The following SULF2 variants were observed in gnomAD, a reference collection of about 807,000 sequenced individuals.
SULF2 encodes the protein extracellular sulfatase Sulf-2.
Under a neutral mutation model 107.7 loss-of-function variants are expected in SULF2, and 52 were observed. The observed-to-expected ratio is 0.48, with a 90% confidence interval of 0.39 to 0.61. The LOEUF is 0.61. Ranked by LOEUF, SULF2 falls within the 20% of genes least tolerant of loss-of-function variation. SULF2 has a pLI of 0.00. For missense variants in SULF2, 993 were observed against 1,177.3 expected (o/e 0.84, Z 2.29); for synonymous variants, 460 against 464.3 (o/e 0.99, Z 0.12).
At chr20:47,662,602 GTCT>G (rs2087113040) in intron 17 of SULF2, among the ~76,000 whole-genome samples, 2 of 152,304 alleles carry the variant, frequency 1.3e-5, no homozygotes, top group South Asian at 4.1e-4. Flanking sequence ...GCTCCTTTTG[GTCT>G]TGTGTGGTCC....
chr20:47,712,278 T>C (rs1256779929), intron 3 of SULF2, among the ~76,000 whole-genome samples: 3 of 152,186 alleles, frequency 2.0e-5, no homozygotes, highest in Admixed American at 2.0e-4. Context: ...TCAACTTCTC[T>C]AGGTCTCACG....
At chr20:47,701,206 G>A (rs1391507901) in intron 4 of SULF2, among the ~76,000 whole-genome samples, 1 of 152,232 alleles carries the variant, frequency 6.6e-6, no homozygotes, top group Non-Finnish European at 1.5e-5. Flanking sequence ...TTTAGGTGAA[G>A]TTCTAGAATA....
At chr20:47,756,727 C>A (rs553105979) in intron 2 of SULF2, among the ~76,000 whole-genome samples, 79 of 150,812 alleles carry the variant, frequency 5.2e-4, no homozygotes, top group African/African-American at 1.9e-3. Flanking sequence ...CTCACTGCAA[C>A]CTCCTTCTCC....
chr20:47,684,631 C>T (rs2087939065), intron 5 of SULF2, 50 bp from the exon 6 acceptor site: 3 of 1,582,672 alleles, frequency 1.9e-6, no homozygotes, highest in Non-Finnish European at 2.6e-6. Context: ...CAGCCTGGAC[C>T]CTGCCTGGCC....
At chr20:47,747,007 A>T (rs1352152792) in intron 2 of SULF2, among the ~76,000 whole-genome samples, 1 of 130,062 alleles carries the variant, frequency 7.7e-6, no homozygotes, top group Non-Finnish European at 1.6e-5. Flanking sequence ...ATATATATAT[A>T]TATATATATA....
chr20:47,764,459 T>C (rs2090485876), intron 1 of SULF2, among the ~76,000 whole-genome samples: 1 of 152,104 alleles, frequency 6.6e-6, no homozygotes. Context: ...CCCCCTTATA[T>C]ATGGTTTGAC....
At chr20:47,779,851 C>T (rs535881276) in intron 1 of SULF2, among the ~76,000 whole-genome samples, 174 of 151,988 alleles carry the variant, frequency 1.1e-3, no homozygotes, top group Middle Eastern at 0.01. Context: ...AGGTGATCCA[C>T]CCGCCTTGGC....
chr20:47,696,403 C>CA (rs869153051), intron 4 of SULF2, among the ~76,000 whole-genome samples: 6 of 8,624 alleles, frequency 7.0e-4, no homozygotes, highest in Non-Finnish European at 9.1e-4. Flanking sequence ...CTCCTTACCA[C>CA]CCCCCCACCC....
chr20:47,708,261 A>G (rs1445351457), intron 3 of SULF2, among the ~76,000 whole-genome samples: 4 of 152,244 alleles, frequency 2.6e-5, no homozygotes, highest in Non-Finnish European at 5.9e-5. Context: ...CTGAAGAGCA[A>G]GAGTCAGAGG....
chr20:47,730,477 A>C (rs1472776137), intron 3 of SULF2, among the ~76,000 whole-genome samples: 1 of 151,946 alleles, frequency 6.6e-6, no homozygotes, highest in Non-Finnish European at 1.5e-5. Flanking sequence ...TTTGAGATGG[A>C]GTCTCATTCT....
At chr20:47,782,766 A>G (rs1312962221) in intron 1 of SULF2, among the ~76,000 whole-genome samples, 1 of 152,052 alleles carries the variant, frequency 6.6e-6, no homozygotes, top group Non-Finnish European at 1.5e-5. Flanking sequence ...AAAAAGCACC[A>G]GGCAGACACA....
intron 4 of SULF2, among the ~76,000 whole-genome samples, chr20:47,692,038 T>C (rs1216476758): frequency 6.6e-6 from 1 of 152,158 alleles, no homozygotes; most frequent in Non-Finnish European, 1.5e-5. Context: ...AGTGCTGGGA[T>C]TACAGGCGTG....
intron 1 of SULF2, among the ~76,000 whole-genome samples, chr20:47,772,242 G>A (rs62202161): frequency 0.039 from 5,882 of 152,300 alleles, 180 homozygotes; most frequent in Non-Finnish European, 0.061. Context: ...CATTACTGCC[G>A]CGTGGGCAGG....
rs867610188 is a variant in SULF2, at chr20:47,757,061, C to G, written c.175+128G>C. On this transcript the variant is annotated intron_variant, in intron 2 of 20. Coordinates refer to ENST00000688720, the MANE Select transcript of SULF2 (RefSeq NM_001387048.1). ...CCAAACACGTGTGGGTGGCCCGTGT[C>G]TTGGTTTCAATGTACTCAAAAGTGA... is the stretch of plus-strand genomic sequence containing the variant. 1.2e-5 allele frequency: 10 copies of G among 861,330 alleles called. No individual in the cohort carries two copies. The South Asian group carries it at 2.0e-4, about 17-fold the overall frequency. The allele number at this position is 861,330 out of a possible 1,614,324, so 53.4% of individuals were successfully genotyped here. A position where few individuals can be genotyped will look rare whatever the true frequency, so the allele number is the denominator to read the frequency against.
At chr20:47,705,113 T>G (rs1005009) in intron 3 of SULF2, among the ~76,000 whole-genome samples, 1,641 of 152,260 alleles carry the variant, frequency 0.011, 32 homozygotes, top group Middle Eastern at 0.037. Context: ...AGGGGAGCAC[T>G]TCATTAAATG....
chr20:47,664,682 T>C lies in SULF2; in HGVS notation c.1998-493A>G, dbSNP rs546882236. 2.6e-5 allele frequency among the ~76,000 whole-genome samples: 4 copies of C among 152,346 alleles called. No individual in the cohort carries two copies. The East Asian group carries it at 7.7e-4, about 29-fold the overall frequency. ...CTGTGCTGTCCAGTATGGTAGCCAC[T>C]GGCCACAGGTGGCTACTTCAATTTG... is the stretch of plus-strand genomic sequence containing the variant. On this transcript the variant is annotated intron_variant, in intron 14 of 20. Coordinates refer to ENST00000688720, the MANE Select transcript of SULF2 (RefSeq NM_001387048.1).
chr20:47,692,308 T>C (rs112889533), intron 4 of SULF2, among the ~76,000 whole-genome samples: 2 of 152,214 alleles, frequency 1.3e-5, no homozygotes, highest in African/African-American at 2.4e-5. Context: ...TCATCCACTA[T>C]ATCCATATGC....
At chr20:47,775,624 T>C (rs1454997049) in intron 1 of SULF2, among the ~76,000 whole-genome samples, 4 of 152,180 alleles carry the variant, frequency 2.6e-5, no homozygotes, top group Non-Finnish European at 5.9e-5. Context: ...TAATGAACAC[T>C]TGGAGGAGAA....
chr20:47,728,939 C>T (rs1161199267), intron 3 of SULF2, among the ~76,000 whole-genome samples: 1 of 152,214 alleles, frequency 6.6e-6, no homozygotes, highest in Non-Finnish European at 1.5e-5. Context: ...AGCCACCACG[C>T]CCAGCCTGAG....
Sources: allele counts gnomAD v4.1 joint callset (sites outside exome capture counted in the v4.1 genomes callset), GRCh38; gene constraint gnomAD v4.1.1; transcripts MANE v1.5; gene names NCBI Gene and HGNC (gene_info 2026-07-23, HGNC 2026-07-21).